Variants in KIF21B observed in about 807,000 individuals in gnomAD.
KIF21B encodes kinesin-like protein KIF21B.
A neutral mutation model predicts 192.9 loss-of-function variants in KIF21B; 85 were observed. The observed-to-expected ratio is 0.44, with a 90% CI of 0.37 to 0.53. KIF21B has a LOEUF of 0.53. Ranked by LOEUF, KIF21B falls within the 20% of genes least tolerant of loss-of-function variation. The probability of loss-of-function intolerance (pLI) is 0.00; values close to 1 mark genes in which losing one functional copy is unlikely to be tolerated. For synonymous variants in KIF21B, 832 were observed against 884.6 expected (o/e 0.94, Z 1.05); for missense variants, 1,716 against 2,194.8 (o/e 0.78, Z 4.36).
rs1328340625 is a variant in KIF21B at position 200,998,141 on chromosome 1, T to A, written c.2077+243A>T. Among the ~76,000 whole-genome samples, 1 of 152,144 alleles carries A rather than the reference T, an allele frequency of 6.6e-6. No homozygotes were observed. Among genetic ancestry groups the A allele is most frequent in the East Asian group, 1.9e-4 (1 of 5,198 alleles). ...AGTGTCATGTTCGCGTGCCTAGGTA[T>A]ATAAAGAATTCTAATACATGACGTG... On this transcript the variant is annotated intron_variant, in intron 14 of 34. Coordinates refer to ENST00000461742, the MANE Select transcript of KIF21B (RefSeq NM_001252102.2). The surrounding 1 kb of genome is among the most constrained non-coding windows in gnomAD (Gnocchi z 4.3).
Position 200,990,177 on chromosome 1 carries a change from G to A in KIF21B, c.2991C>T (p.Thr997=), listed in dbSNP as rs2297910. Residue 997 remains threonine (T), a synonymous_variant, in exon 20 of 35, where the codon ACC becomes ACT. Transcript: ENST00000461742. This position sits in a 1 kb window ranked among gnomAD's most constrained non-coding sequence, Gnocchi z 5.4. The part of the protein sequence containing the change: ...ANIDYINDGI[T]DCQATIVQLE... ...GCTGCACGATGGTGGCCTGGCAGTCGGTGATGCCGTCATTGATGTAGTCAA... is the reference window on the plus strand; with the variant it reads ...GCTGCACGATGGTGGCCTGGCAGTCAGTGATGCCGTCATTGATGTAGTCAA... The A allele has an allele frequency of 0.019, 30,830 of 1,613,930 alleles. 1,239 individuals are homozygous for A. The highest frequency in any genetic ancestry group is 0.11 in the East Asian group (4,981 of 44,878).
chr1:200,980,520 G>A (rs889429768), intron 29 of KIF21B, among the ~76,000 whole-genome samples: 2 of 152,224 alleles, frequency 1.3e-5, no homozygotes, highest in African/African-American at 4.8e-5. Flanking sequence ...CCAAAGTGCT[G>A]CAATTACAGG....
rs189138727 is a variant in KIF21B, at chr1:201,000,836, G to A, written c.1403-56C>T. ...ATAAAGAAGATAAATAGGCCAGCGC[G>A]GTGGCTCAGACCTATAATTCCAGCA... is the stretch of plus-strand genomic sequence containing the variant. On this transcript the variant is annotated intron_variant, in intron 9 of 34. Coordinates refer to ENST00000461742, the MANE Select transcript of KIF21B (RefSeq NM_001252102.2). This position sits in a 1 kb window ranked among gnomAD's most constrained non-coding sequence, Gnocchi z 6.0. The A allele has an allele frequency of 4.9e-4, 782 of 1,584,274 alleles. 1 individual carries two copies. The African/African-American group carries it at 6.2e-3, about 13-fold the overall frequency.
Position 201,005,353 on chromosome 1 carries a change from GA to G in KIF21B, c.686del (p.Phe229SerfsTer17). On this transcript the variant is annotated frameshift_variant, in exon 5 of 35. Transcript: ENST00000461742. LOFTEE classifies it high-confidence loss of function. Reference protein sequence around the residue: ...NVQSSRSHAIFTIHLCQMRMC... With the variant: ...NVQSSRSHAIXTIHLCQMRMC... ...TGCGCATCTGGCACAGGTGGATGGT[GA>G]AGATGGCGTGGGAGCGTGAGCTCTG... The G allele has an allele frequency of 6.2e-7, 1 of 1,612,770 alleles. No individual in the cohort carries two copies. The highest frequency in any genetic ancestry group is 8.5e-7 in the Non-Finnish European group (1 of 1,179,512).
At chr1:201,005,265 C>A (rs772290560) in intron 5 of KIF21B, 43 bp downstream of exon 5, 5 of 1,533,110 alleles carry the variant, frequency 3.3e-6, no homozygotes, top group Non-Finnish European at 3.5e-6. Context: ...CCCGGGATAC[C>A]CCTGCAGCAA....
Position 200,975,425 on chromosome 1 carries a change from G to T in KIF21B, c.4614+74C>A, listed in dbSNP as rs1655482078. On this transcript the variant is annotated intron_variant, in intron 33 of 34. Coordinates refer to ENST00000461742, the MANE Select transcript of KIF21B (RefSeq NM_001252102.2). The surrounding 1 kb of genome is among the most constrained non-coding windows in gnomAD (Gnocchi z 4.3). Reference sequence around the variant, plus strand: ...GGGGCCCGCGAGTCCAGGTCCCAGGGTCTCCAAGGCCCTGCGTGGGCTATG... The same window carrying T: ...GGGGCCCGCGAGTCCAGGTCCCAGGTTCTCCAAGGCCCTGCGTGGGCTATG... 2 of 1,408,010 alleles carry T rather than the reference G, an allele frequency of 1.4e-6. No individual in the cohort carries two copies. Among genetic ancestry groups the T allele is most frequent in the African/African-American group, 2.9e-5 (2 of 69,934 alleles). The allele number at this position is 1,408,010 out of a possible 1,614,324, so 87.2% of individuals were successfully genotyped here.
In KIF21B at chr1:200,996,415, G is replaced by A; in HGVS notation, c.2078-20C>T. 6.2e-7 allele frequency: 1 copy of A among 1,609,784 alleles called. No homozygotes were observed. The highest frequency in any genetic ancestry group is 2.2e-5 in the East Asian group (1 of 44,808). On this transcript the variant is annotated intron_variant, in intron 14 of 34. Coordinates refer to ENST00000461742, the MANE Select transcript of KIF21B (RefSeq NM_001252102.2). ...TGGTGCCTGAGAGCAAGGAGACGCA[G>A]CTGTCGGTGCTGGGTCCCTAAGGGC...
chr1:200,991,621 G>A, intron 17 of KIF21B, 36 bp downstream of exon 17: 1 of 1,603,730 alleles, frequency 6.2e-7, no homozygotes, highest in Non-Finnish European at 8.5e-7. Flanking sequence ...ATGTGCAGCA[G>A]GGCCAGGGCC....
chr1:201,009,187 T>C (rs1658091562), intron 2 of KIF21B, 79 bp downstream of exon 2: 2 of 1,393,802 alleles, frequency 1.4e-6, no homozygotes, highest in Middle Eastern at 2.1e-4. Context: ...TCAGCTGCTC[T>C]GAAGGTGGAG....
intron 7 of KIF21B, 84 bp from the exon 8 acceptor site, chr1:201,003,865 C>A: frequency 7.3e-7 from 1 of 1,375,060 alleles, no homozygotes; most frequent in East Asian, 2.3e-5. Context: ...GTCCTGCTCC[C>A]ATCCCATTCC....
At chr1:200,976,739 A>G (rs770785147) in intron 32 of KIF21B, 37 bp downstream of exon 32, 4 of 1,382,992 alleles carry the variant, frequency 2.9e-6, no homozygotes, top group Non-Finnish European at 4.1e-6. Context: ...GGGAGAGTGG[A>G]AGACCAGCCC....
At chr1:200,979,212 C>T (rs111428656) in intron 30 of KIF21B, among the ~76,000 whole-genome samples, 2 of 151,916 alleles carry the variant, frequency 1.3e-5, no homozygotes, top group African/African-American at 4.9e-5. Flanking sequence ...GCTTTGGAGG[C>T]TCACCCTGTT....
intron 34 of KIF21B, chr1:200,973,933 G>A: frequency 6.6e-7 from 1 of 1,521,956 alleles, no homozygotes; most frequent in East Asian, 2.4e-5. Flanking sequence ...AGGAGGGACA[G>A]GCAGGGCACC....
intron 28 of KIF21B, among the ~76,000 whole-genome samples, chr1:200,981,900 G>C (rs537592352): frequency 6.6e-6 from 1 of 152,258 alleles, no homozygotes; most frequent in East Asian, 1.9e-4. Context: ...TTCTGAAGAT[G>C]ATTTTTTTCT....
chr1:200,982,340 G>A lies in KIF21B; in HGVS notation c.3842+716C>T, dbSNP rs1259602493. On this transcript the variant is annotated intron_variant, in intron 28 of 34. Transcript: ENST00000461742. This position sits in a 1 kb window ranked among gnomAD's most constrained non-coding sequence, Gnocchi z 4.7. ...TCGACACTCAGGGCTGGAGGCTCGA[G>A]GAGCTGAGACAGCCCACCAGGAGAG... is the stretch of plus-strand genomic sequence containing the variant. Among the ~76,000 whole-genome samples the A allele has an allele frequency of 6.6e-6, 1 of 152,210 alleles. No homozygotes were observed. Among genetic ancestry groups the A allele is most frequent in the Admixed American group, 6.5e-5 (1 of 15,286 alleles).
chr1:200,973,921 G>A (rs1436467737), intron 34 of KIF21B: 27 of 1,511,608 alleles, frequency 1.8e-5, no homozygotes, highest in Non-Finnish European at 2.2e-5. Flanking sequence ...GACGGTGGGT[G>A]CAGGAGGGAC....
At chr1:200,983,787 A>G (rs1283490045) in intron 27 of KIF21B, among the ~76,000 whole-genome samples, 1 of 152,192 alleles carries the variant, frequency 6.6e-6, no homozygotes, top group Non-Finnish European at 1.5e-5. Flanking sequence ...CTCCCCCCAC[A>G]GCAGCCTGAG....
intron 16 of KIF21B, 118 bp from the exon 17 acceptor site, chr1:200,991,843 G>T: frequency 1.9e-6 from 2 of 1,041,766 alleles, no homozygotes; most frequent in Non-Finnish European, 2.9e-6. Flanking sequence ...TTCTCATGCA[G>T]CCAAACTCTT....
chr1:200,977,923 G>A (rs868253924), intron 30 of KIF21B, among the ~76,000 whole-genome samples: 8 of 151,600 alleles, frequency 5.3e-5, no homozygotes, highest in East Asian at 1.9e-4. Context: ...TAGTAGAGAC[G>A]GGGTTTCTTC....
Sources: gnomAD v4.1 joint callset for allele counts (sites outside exome capture counted in the v4.1 genomes callset) on GRCh38, gnomAD v4.1.1 for gene constraint, Gnocchi (gnomAD v3.1) non-coding constraint, MANE v1.5 for transcripts, NCBI Gene and HGNC (gene_info 2026-07-23, HGNC 2026-07-21) for gene names.